Variants in GPBP1 observed in about 807,000 individuals in gnomAD.
GPBP1 encodes vasculin.
In GPBP1, 13 loss-of-function variants were observed where a neutral mutation model predicts 56.5. The observed-to-expected ratio is 0.23, with a 90% CI of 0.15 to 0.37. The LOEUF (loss-of-function observed/expected upper bound fraction) is 0.37, where lower values mean the gene tolerates loss of function less well. Ranked by LOEUF, GPBP1 falls within the 10% of genes least tolerant of loss-of-function variation. GPBP1 has a pLI of 1.00. For synonymous variants in GPBP1, 204 were observed against 188.9 expected (o/e 1.08, Z -0.66); for missense variants, 477 against 572.3 (o/e 0.83, Z 1.70).
chr5:57,233,810 T>G (rs1756558973), intron 5 of GPBP1, among the ~76,000 whole-genome samples: 1 of 152,212 alleles, frequency 6.6e-6, no homozygotes, highest in South Asian at 2.1e-4. Context: ...AAGGTTCAAC[T>G]GTATAAACAA....
At chr5:57,178,393 C>T (rs1030695441) in intron 2 of GPBP1, among the ~76,000 whole-genome samples, 40 of 152,048 alleles carry the variant, frequency 2.6e-4, no homozygotes, top group African/African-American at 8.9e-4. Flanking sequence ...TACAGGTGCC[C>T]GCCACCACGC....
chr5:57,189,399 G>A (rs1268845100), intron 2 of GPBP1, among the ~76,000 whole-genome samples: 1 of 152,104 alleles, frequency 6.6e-6, no homozygotes, highest in African/African-American at 2.4e-5. Flanking sequence ...GATTATAGGC[G>A]TGAGCCACCA....
chr5:57,211,600 G>GTTGTTGTTA (rs1420692653), intron 2 of GPBP1, among the ~76,000 whole-genome samples: 1 of 152,036 alleles, frequency 6.6e-6, no homozygotes, highest in Non-Finnish European at 1.5e-5. Flanking sequence ...TGTTGTTGTT[G>GTTGTTGTTA]TTGGAGATGG....
intron 2 of GPBP1, among the ~76,000 whole-genome samples, chr5:57,201,587 T>A (rs182754784): frequency 8.1e-4 from 123 of 152,356 alleles, no homozygotes; most frequent in African/African-American, 2.8e-3. Flanking sequence ...AGTGTTTTTT[T>A]ATACAAATTG....
At chr5:57,189,817 C>T (rs762962532) in intron 2 of GPBP1, among the ~76,000 whole-genome samples, 2 of 152,134 alleles carry the variant, frequency 1.3e-5, no homozygotes, top group Non-Finnish European at 2.9e-5. Context: ...GGCCCATTGG[C>T]CTTCTTTCTC....
At chr5:57,236,992 C>T (rs537858559) in intron 6 of GPBP1, 16 of 627,904 alleles carry the variant, frequency 2.5e-5, no homozygotes, top group South Asian at 2.4e-4. Context: ...TTTTGATCTT[C>T]CTCTTTATTT....
Position 57,249,435 on chromosome 5 carries a change from T to C in GPBP1, c.831T>C (p.Pro277=), listed in dbSNP as rs1438849677. ...GTAATCGCTCAAATTCCTCTTCTCCTGTTGACAAACTTAATCAGCAGCCTC... is the reference window on the plus strand; with the variant it reads ...GTAATCGCTCAAATTCCTCTTCTCCCGTTGACAAACTTAATCAGCAGCCTC... The part of the protein sequence containing the change: ...KECNRSNSSS[P]VDKLNQQPRL... Residue 277 remains proline (P), a synonymous_variant, in exon 9 of 12, where the codon CCT becomes CCC. Transcript: ENST00000506184. 1 of 1,605,520 alleles carries C rather than the reference T, an allele frequency of 6.2e-7. No homozygotes were observed. Among genetic ancestry groups the C allele is most frequent in the Non-Finnish European group, 8.5e-7 (1 of 1,177,144 alleles).
intron 2 of GPBP1, among the ~76,000 whole-genome samples, chr5:57,207,090 T>G (rs1755264481): frequency 6.6e-6 from 1 of 152,124 alleles, no homozygotes; most frequent in Non-Finnish European, 1.5e-5. Context: ...GGTGATAGAG[T>G]GAGACTTTGT....
chr5:57,219,403 ACCAAAAACAAAC>A (rs1561348331), intron 3 of GPBP1, among the ~76,000 whole-genome samples: 1 of 60,060 alleles, frequency 1.7e-5, no homozygotes, highest in African/African-American at 1.2e-4. Context: ...AAAAAAAAAA[ACCAAAAACAAAC>A]AAACAAAAAA....
At chr5:57,198,861 A>G (rs1268571800) in intron 2 of GPBP1, among the ~76,000 whole-genome samples, 2 of 152,078 alleles carry the variant, frequency 1.3e-5, no homozygotes, top group Admixed American at 6.6e-5. Context: ...CTTCAGTGTC[A>G]TTTGCTTCAC....
chr5:57,232,239 C>T (rs369216433), intron 5 of GPBP1, among the ~76,000 whole-genome samples: 26 of 152,124 alleles, frequency 1.7e-4, no homozygotes, highest in African/African-American at 5.5e-4. Context: ...CCTCCGACCT[C>T]GGCCTCCCAA....
chr5:57,247,239 G>C (rs546036246), intron 8 of GPBP1, 24 bp downstream of exon 8: 2 of 1,576,462 alleles, frequency 1.3e-6, no homozygotes, highest in Non-Finnish European at 1.7e-6. Flanking sequence ...AATCACACTT[G>C]AGGAATGTAA....
chr5:57,204,003 C>T (rs1755125573), intron 2 of GPBP1, among the ~76,000 whole-genome samples: 1 of 152,074 alleles, frequency 6.6e-6, no homozygotes, highest in Non-Finnish European at 1.5e-5. Context: ...ATCTGATGAC[C>T]CGTAACTCTT....
At chr5:57,179,930 T>G (rs1436939397) in intron 2 of GPBP1, among the ~76,000 whole-genome samples, 1 of 151,882 alleles carries the variant, frequency 6.6e-6, no homozygotes, top group Non-Finnish European at 1.5e-5. Flanking sequence ...AATAGTTACA[T>G]GGATTTTTGT....
intron 10 of GPBP1, 83 bp from the exon 11 acceptor site, chr5:57,261,097 C>T: frequency 1.1e-6 from 1 of 870,806 alleles, no homozygotes; most frequent in South Asian, 1.5e-5. Flanking sequence ...CCTGGTGGAT[C>T]ATGTTTTCTT....
At chr5:57,180,828 G>A (rs1448842875) in intron 2 of GPBP1, among the ~76,000 whole-genome samples, 2 of 151,924 alleles carry the variant, frequency 1.3e-5, no homozygotes, top group South Asian at 2.1e-4. Context: ...TGCAACCTCC[G>A]CCTCCCAGGT....
intron 10 of GPBP1, among the ~76,000 whole-genome samples, chr5:57,252,908 C>G (rs1260674970): frequency 1.3e-5 from 2 of 151,794 alleles, no homozygotes; most frequent in Non-Finnish European, 2.9e-5. Context: ...GGGATTTCAT[C>G]ATGTTGGCCA....
At chr5:57,218,401 A>AT (rs1755790517) in intron 3 of GPBP1, among the ~76,000 whole-genome samples, 1 of 152,156 alleles carries the variant, frequency 6.6e-6, no homozygotes, top group Non-Finnish European at 1.5e-5. Flanking sequence ...AGGGAAACAC[A>AT]TTTGCTGATT....
At chr5:57,194,241 A>T (rs947596450) in intron 2 of GPBP1, among the ~76,000 whole-genome samples, 2 of 152,180 alleles carry the variant, frequency 1.3e-5, no homozygotes, top group Non-Finnish European at 2.9e-5. Flanking sequence ...TCTCGTAAAT[A>T]TAAGGCAAAT....
Sources: allele counts gnomAD v4.1 joint callset (sites outside exome capture counted in the v4.1 genomes callset), GRCh38; gene constraint gnomAD v4.1.1; transcripts MANE v1.5; gene names NCBI Gene and HGNC (gene_info 2026-07-23, HGNC 2026-07-21).